The following WASF3 variants were observed in gnomAD, a reference collection of about 807,000 sequenced individuals.
WASF3 encodes the protein WASP family member 3.
Under a neutral mutation model 46.6 loss-of-function variants are expected in WASF3, and 11 were observed. The ratio of observed to expected loss-of-function variants is 0.24; its 90% confidence interval spans 0.15 to 0.39. The LOEUF (loss-of-function observed/expected upper bound fraction) is 0.39, where lower values mean the gene tolerates loss of function less well. Ranked by LOEUF, WASF3 falls within the 10% of genes least tolerant of loss-of-function variation. WASF3 has a pLI of 1.00. For synonymous variants in WASF3, 242 were observed against 259.7 expected, an observed-to-expected ratio of 0.93 and a Z score of 0.65; for missense variants, 576 against 669.8, an observed-to-expected ratio of 0.86 and a Z score of 1.55.
chr13:26,687,855 A>T lies in WASF3; in HGVS notation c.*2010A>T, dbSNP rs1285318941. 2 of 150,604 alleles carry T rather than the reference A, an allele frequency of 1.3e-5. No homozygotes were observed. Among genetic ancestry groups the T allele is most frequent in the South Asian group, 2.1e-4 (1 of 4,754 alleles). 9.3% of individuals were successfully genotyped at this position (150,604 alleles called of 1,614,324 possible). A position where few individuals can be genotyped will look rare whatever the true frequency, so the allele number is the denominator to read the frequency against. On this transcript the variant is annotated 3_prime_UTR_variant, in exon 10 of 10. Coordinates refer to ENST00000335327, the MANE Select transcript of WASF3 (RefSeq NM_006646.6). Reference sequence around the variant, plus strand: ...TAGGAGTTCCCCGTGTGGGTCTAGAACTCCCCTTTGGTAATGCTTCTTTGT... The same window carrying T: ...TAGGAGTTCCCCGTGTGGGTCTAGATCTCCCCTTTGGTAATGCTTCTTTGT...
intron 1 of WASF3, among the ~76,000 whole-genome samples, chr13:26,575,576 T>C (rs1879772911): frequency 1.3e-5 from 2 of 152,194 alleles, no homozygotes; most frequent in South Asian, 4.1e-4. Flanking sequence ...TGAACCTGGG[T>C]TGAGAAAGGG....
At chr13:26,603,133 G>C (rs1197544248) in intron 1 of WASF3, among the ~76,000 whole-genome samples, 1 of 152,240 alleles carries the variant, frequency 6.6e-6, no homozygotes, top group East Asian at 1.9e-4. Flanking sequence ...CTGTGGAAGT[G>C]TGGAGCTGCA....
chr13:26,669,217 T>C (rs549959785), intron 5 of WASF3, among the ~76,000 whole-genome samples: 2 of 143,936 alleles, frequency 1.4e-5, no homozygotes, highest in East Asian at 2.0e-4. Context: ...TTTTTTTTTT[T>C]TTTTTTTTTT....
the WASF3 span, among the ~76,000 whole-genome samples, chr13:26,545,592 TTATTTATG>T: frequency 6.6e-6 from 1 of 152,200 alleles, no homozygotes; most frequent in Non-Finnish European, 1.5e-5. Flanking sequence ...CTATCTCTGT[TTATTTATG>T]TATTTATGTA....
chr13:26,637,713 TTCATTTGG>T (rs1881871520), intron 2 of WASF3, among the ~76,000 whole-genome samples: 1 of 152,222 alleles, frequency 6.6e-6, no homozygotes, highest in Non-Finnish European at 1.5e-5. Context: ...AAGGTATCCC[TTCATTTGG>T]ACATTTTCCA....
At chr13:26,660,194 G>GTTTTTTTTTTTTTTTTTTTTTTTTTTTT (rs71080285) in intron 3 of WASF3, among the ~76,000 whole-genome samples, 2 of 43,374 alleles carry the variant, frequency 4.6e-5, no homozygotes, top group African/African-American at 1.5e-4. Flanking sequence ...TTTTTGTTTG[G>GTTTTTTTTTTTTTTTTTTTTTTTTTTTT]TTTTTTTTTT....
At chr13:26,606,596 A>G (rs574154108) in intron 1 of WASF3, 66 of 151,436 alleles carry the variant, frequency 4.4e-4, no homozygotes, top group African/African-American at 1.6e-3. Flanking sequence ...GGCTCAAGCA[A>G]TCCTCTTGCC....
At chr13:26,655,313 A>G (rs181435847) in intron 3 of WASF3, among the ~76,000 whole-genome samples, 1 of 152,212 alleles carries the variant, frequency 6.6e-6, no homozygotes, top group East Asian at 1.9e-4. Context: ...TGGATTTTCT[A>G]ATGTTTCCTC....
the WASF3 span, among the ~76,000 whole-genome samples, chr13:26,539,167 A>C: frequency 6.6e-6 from 1 of 152,096 alleles, no homozygotes. Flanking sequence ...TGGGGCTGGT[A>C]CCAGGAAAAC....
chr13:26,674,716 T>C (rs1883012736), intron 6 of WASF3, among the ~76,000 whole-genome samples: 1 of 152,232 alleles, frequency 6.6e-6, no homozygotes, highest in Admixed American at 6.5e-5. Flanking sequence ...CTTACAATAC[T>C]GCAGTGGTTA....
At chr13:26,587,693 A>G (rs1880172362) in intron 1 of WASF3, among the ~76,000 whole-genome samples, 1 of 152,178 alleles carries the variant, frequency 6.6e-6, no homozygotes, top group Admixed American at 6.5e-5. Context: ...ATGGGAGAAG[A>G]CAATCAAGGG....
intron 2 of WASF3, among the ~76,000 whole-genome samples, chr13:26,613,378 C>T (rs1881036654): frequency 6.6e-6 from 1 of 151,882 alleles, no homozygotes; most frequent in Non-Finnish European, 1.5e-5. Context: ...TCTGTTTTTG[C>T]CCATTTACTT....
chr13:26,585,666 A>G lies in WASF3; in HGVS notation c.-108-27295A>G, dbSNP rs562371290. On this transcript the variant is annotated intron_variant, in intron 1 of 9. Transcript: ENST00000335327. Reference sequence around the variant, plus strand: ...AATCTCTGTTGATGTTATAAATTTGATAAGTGTTCACTGCTGAACCTGCAT... The same window carrying G: ...AATCTCTGTTGATGTTATAAATTTGGTAAGTGTTCACTGCTGAACCTGCAT... Among the ~76,000 whole-genome samples, 28 of 152,202 alleles carry G rather than the reference A, an allele frequency of 1.8e-4. 1 individual carries two copies. In the South Asian group the frequency reaches 2.1e-3, roughly 11 times the overall value.
At chr13:26,667,976 G>A (rs1882822057) in intron 5 of WASF3, among the ~76,000 whole-genome samples, 1 of 152,158 alleles carries the variant, frequency 6.6e-6, no homozygotes, top group Non-Finnish European at 1.5e-5. Context: ...ACAGTATTGT[G>A]TGTGGTTATG....
At chr13:26,552,456 C>G in the WASF3 span, among the ~76,000 whole-genome samples, 1 of 151,918 alleles carries the variant, frequency 6.6e-6, no homozygotes, top group Non-Finnish European at 1.5e-5. Context: ...TTCTTTGAGA[C>G]GTAGATATGG....
intron 3 of WASF3, among the ~76,000 whole-genome samples, chr13:26,652,493 T>G (rs1385036789): frequency 6.6e-6 from 1 of 152,196 alleles, no homozygotes; most frequent in African/African-American, 2.4e-5. Flanking sequence ...ATAGGGGGTT[T>G]GAACAATATA....
chr13:26,684,322 C>G (rs1011193041), intron 9 of WASF3, among the ~76,000 whole-genome samples: 4 of 151,474 alleles, frequency 2.6e-5, no homozygotes, highest in Non-Finnish European at 5.9e-5. Flanking sequence ...AGAGTAGATA[C>G]ATAATCTGTA....
At chr13:26,591,858 C>T (rs1294461975) in intron 1 of WASF3, among the ~76,000 whole-genome samples, 2 of 152,152 alleles carry the variant, frequency 1.3e-5, no homozygotes, top group South Asian at 2.1e-4. Flanking sequence ...GCTTTAGGAA[C>T]GGCTGGGCAC....
intron 1 of WASF3, among the ~76,000 whole-genome samples, chr13:26,559,788 T>TTTC (rs1555246394): frequency 2.5e-5 from 2 of 80,508 alleles, no homozygotes; most frequent in African/African-American, 9.9e-5. Flanking sequence ...TTTTCTTTTC[T>TTTC]TTTCTTTCTT....
Sources: allele counts gnomAD v4.1 joint callset (sites outside exome capture counted in the v4.1 genomes callset), GRCh38; gene constraint gnomAD v4.1.1; transcripts MANE v1.5; gene names NCBI Gene and HGNC (gene_info 2026-07-23, HGNC 2026-07-21).